The following SSBP2 variants were observed in gnomAD, a reference collection of about 807,000 sequenced individuals.
The protein encoded by SSBP2 is single-stranded DNA-binding protein 2.
Under a neutral mutation model 61.8 loss-of-function variants are expected in SSBP2, and 17 were observed. The observed-to-expected ratio is 0.28, with a 90% CI of 0.19 to 0.41. SSBP2 has a LOEUF of 0.41. SSBP2 is among the 10% of genes least tolerant of loss of function. The pLI, the probability that SSBP2 is intolerant of heterozygous loss-of-function variation, is 1.00. For synonymous variants in SSBP2, 139 were observed against 141.3 expected (o/e 0.98, Z 0.12); for missense variants, 310 against 458.7 (o/e 0.68, Z 2.96).
intron 2 of SSBP2, among the ~76,000 whole-genome samples, chr5:81,638,523 G>A (rs1375449041): frequency 4.0e-5 from 6 of 148,706 alleles, no homozygotes; most frequent in African/African-American, 1.0e-4. Flanking sequence ...CGTCTCAGAG[G>A]GAAAAAAAAA....
rs1361996129 is a variant in SSBP2 at position 81,693,203 on chromosome 5, A to T, written c.63-42864T>A. Among the ~76,000 whole-genome samples, 95 of 45,566 alleles carry T rather than the reference A, an allele frequency of 2.1e-3. 2 individuals carry two copies. The East Asian group carries it at 0.021, about 10-fold the overall frequency. 29.9% of individuals were successfully genotyped at this position (45,566 alleles called of 152,430 possible). On this transcript the variant is annotated intron_variant, in intron 1 of 16. Coordinates refer to ENST00000320672, the MANE Select transcript of SSBP2 (RefSeq NM_012446.5). ...TGGCGATGGAGCAAGACTTTGTCTT[A>T]AAAAAAAAAAAAAAAAAAAAGAAAG... is the stretch of plus-strand genomic sequence containing the variant.
At chr5:81,473,385 G>C (rs1580773190) in intron 8 of SSBP2, among the ~76,000 whole-genome samples, 1 of 152,094 alleles carries the variant, frequency 6.6e-6, no homozygotes, top group African/African-American at 2.4e-5. Context: ...TTAGCGATTT[G>C]TCCCAATGCA....
chr5:81,499,064 T>C (rs1278525227), intron 5 of SSBP2, among the ~76,000 whole-genome samples: 1 of 152,174 alleles, frequency 6.6e-6, no homozygotes, highest in Non-Finnish European at 1.5e-5. Flanking sequence ...CCCCAGTGGA[T>C]AAGACATTCC....
At chr5:81,612,629 TAAG>T (rs1186265367) in intron 4 of SSBP2, among the ~76,000 whole-genome samples, 4 of 152,068 alleles carry the variant, frequency 2.6e-5, no homozygotes, top group African/African-American at 7.2e-5. Context: ...ATCTTATAGA[TAAG>T]AAGTAACTAT....
intron 4 of SSBP2, among the ~76,000 whole-genome samples, chr5:81,597,714 T>C (rs1372862365): frequency 1.3e-5 from 2 of 151,852 alleles, no homozygotes; most frequent in Non-Finnish European, 2.9e-5. Flanking sequence ...TGTAGGGACA[T>C]GGATGAAACT....
intron 4 of SSBP2, among the ~76,000 whole-genome samples, chr5:81,536,219 A>T (rs147521689): frequency 6.6e-6 from 1 of 152,286 alleles, no homozygotes; most frequent in Non-Finnish European, 1.5e-5. Context: ...TATGTAGATC[A>T]ATTACAACAT....
intron 4 of SSBP2, among the ~76,000 whole-genome samples, chr5:81,589,292 T>C (rs1233941413): frequency 1.3e-5 from 2 of 152,180 alleles, no homozygotes; most frequent in Non-Finnish European, 2.9e-5. Flanking sequence ...CAGTGAAATC[T>C]ATGAAGTACA....
At chr5:81,697,097 T>C (rs1753653586) in intron 1 of SSBP2, among the ~76,000 whole-genome samples, 2 of 152,234 alleles carry the variant, frequency 1.3e-5, no homozygotes, top group South Asian at 4.1e-4. Context: ...GGATTTTCTT[T>C]TAAAATAATT....
At chr5:81,602,519 G>C (rs908962501) in intron 4 of SSBP2, among the ~76,000 whole-genome samples, 2 of 152,070 alleles carry the variant, frequency 1.3e-5, no homozygotes, top group African/African-American at 4.8e-5. Flanking sequence ...TGTCTGAAAG[G>C]TTCTATGAGG....
At chr5:81,627,388 T>C (rs1482727474) in intron 3 of SSBP2, among the ~76,000 whole-genome samples, 3 of 152,222 alleles carry the variant, frequency 2.0e-5, no homozygotes, top group Non-Finnish European at 4.4e-5. Flanking sequence ...TATACGATGC[T>C]TAGTTTAACC....
intron 1 of SSBP2, among the ~76,000 whole-genome samples, chr5:81,741,613 C>G (rs1252938359): frequency 2.6e-5 from 4 of 152,128 alleles, no homozygotes; most frequent in Non-Finnish European, 4.4e-5. Context: ...TTTCCCTCCC[C>G]CTAACCCAGC....
At chr5:81,674,400 G>T (rs576546023) in intron 1 of SSBP2, among the ~76,000 whole-genome samples, 1 of 152,204 alleles carries the variant, frequency 6.6e-6, no homozygotes, top group East Asian at 1.9e-4. Context: ...GCTCACTGTA[G>T]ACCAATGTTC....
At chr5:81,656,827 A>G (rs763714079) in intron 1 of SSBP2, among the ~76,000 whole-genome samples, 5 of 152,148 alleles carry the variant, frequency 3.3e-5, no homozygotes, top group African/African-American at 9.7e-5. Context: ...TTCAATGCCT[A>G]TAAGGGTGAA....
chr5:81,435,170 T>C (rs1367973189), intron 15 of SSBP2, among the ~76,000 whole-genome samples: 2 of 152,220 alleles, frequency 1.3e-5, no homozygotes, highest in Non-Finnish European at 1.5e-5. Flanking sequence ...ATAAATCTTA[T>C]GTAATTTAAA....
chr5:81,471,934 T>C (rs1191509923), intron 8 of SSBP2, among the ~76,000 whole-genome samples: 1 of 152,090 alleles, frequency 6.6e-6, no homozygotes, highest in Non-Finnish European at 1.5e-5. Flanking sequence ...ACAATGCATA[T>C]ATACAATACA....
chr5:81,686,858 AAAAAAAAAAAAAAAG>A (rs1452795700), intron 1 of SSBP2, among the ~76,000 whole-genome samples: 1 of 103,042 alleles, frequency 9.7e-6, no homozygotes, highest in African/African-American at 4.0e-5. Flanking sequence ...TCATCTCAAA[AAAAAAAAAAAAAAAG>A]AAAAGAAAAG....
chr5:81,672,991 A>G (rs577870292), intron 1 of SSBP2, among the ~76,000 whole-genome samples: 18 of 151,212 alleles, frequency 1.2e-4, no homozygotes, highest in Non-Finnish European at 2.1e-4. Flanking sequence ...GCGCCTTGCC[A>G]CCACGATGGC....
chr5:81,662,861 C>A lies in SSBP2; in HGVS notation c.63-12522G>T, dbSNP rs116757682. ...AACTTCTAAGAAAGAAACCTGAATT[C>A]TTTCCATTCATATGAACAAAATCCA... On this transcript the variant is annotated intron_variant, in intron 1 of 16. Transcript: ENST00000320672. 2.9e-3 allele frequency among the ~76,000 whole-genome samples: 438 copies of A among 152,224 alleles called. 3 individuals carry two copies. Among genetic ancestry groups the A allele is most frequent in the African/African-American group, 0.01 (417 of 41,560 alleles).
chr5:81,470,446 C>A (rs2154019402), intron 8 of SSBP2, among the ~76,000 whole-genome samples: 1 of 151,520 alleles, frequency 6.6e-6, no homozygotes, highest in South Asian at 2.1e-4. Flanking sequence ...GAAAAATATG[C>A]CTACTAGATT....
Sources: gnomAD v4.1 joint callset for allele counts (sites outside exome capture counted in the v4.1 genomes callset) on GRCh38, gnomAD v4.1.1 for gene constraint, MANE v1.5 for transcripts, NCBI Gene and HGNC (gene_info 2026-07-23, HGNC 2026-07-21) for gene names.